Variants in FRAT1 observed in about 807,000 individuals in gnomAD.
FRAT1 encodes the protein proto-oncogene FRAT1.
Under a neutral mutation model 16.9 loss-of-function variants are expected in FRAT1, and 9 were observed. That is an observed-to-expected ratio of 0.53 (90% CI 0.32 to 0.93). FRAT1 has a LOEUF of 0.93. Among genes scored for constraint, FRAT1 ranks in the 40% least tolerant of loss-of-function variants. FRAT1 has a pLI of 0.04. For synonymous variants in FRAT1, 191 were observed against 202.1 expected (o/e 0.95, Z 0.46); for missense variants, 354 against 402.8 (o/e 0.88, Z 1.04).
rs761441163 is a variant in FRAT1, at chr10:97,319,463, C to G, written c.10C>G (p.Arg4Gly). 4.6e-5 allele frequency: 67 copies of G among 1,444,346 alleles called. No homozygotes were observed. In the East Asian group the frequency reaches 9.2e-4, roughly 20 times the overall value. 89.5% of individuals were successfully genotyped at this position (1,444,346 alleles called of 1,614,324 possible). A position where few individuals can be genotyped will look rare whatever the true frequency, so the allele number is the denominator to read the frequency against. ...GCCCAGACAGGGGGCCATGCCGTGC[C>G]GGAGGGAGGAGGAAGAGGAAGCCGG... The part of the protein sequence containing the change: MPC[R>G]REEEEEAGEE... The change falls in exon 1 of 1, where the codon CGG becomes GGG. Residue 4 changes from arginine to glycine, a missense_variant. This residue lies in a region of FRAT1 where 46 missense variants were observed against 37.7 expected (regional missense o/e 1.22). Coordinates refer to ENST00000371021, the MANE Select transcript of FRAT1 (RefSeq NM_005479.4).
chr10:97,319,962 G>T lies in FRAT1; in HGVS notation c.509G>T (p.Arg170Leu). Residue 170 changes from arginine (R) to leucine (L), a missense_variant, in exon 1 of 1, where the codon CGA becomes CTA. By Grantham distance (102) the Arg-to-Leu change is moderately radical. Around this residue, in one of 3 missense-constraint regions of FRAT1, gnomAD observed 286 missense variants for 311.0 expected, o/e 0.92. Coordinates refer to ENST00000371021, the MANE Select transcript of FRAT1 (RefSeq NM_005479.4). ...IPQPLSGPCR[R>L]GWLRGAAASR... ...CAGCCGCTGTCGGGTCCGTGCCGGC[G>T]AGGATGGCTCCGGGGCGCCGCCGCC... is the stretch of plus-strand genomic sequence containing the variant. 1 of 1,541,260 alleles carries T rather than the reference G, an allele frequency of 6.5e-7. No homozygotes were observed. Among genetic ancestry groups the T allele is most frequent in the Non-Finnish European group, 8.7e-7 (1 of 1,146,548 alleles).
In FRAT1 at chr10:97,321,742, A is replaced by C. The variant is rs1220657654; in HGVS notation, c.*1449A>C. On this transcript the variant is annotated 3_prime_UTR_variant, in exon 1 of 1. Coordinates refer to ENST00000371021, the MANE Select transcript of FRAT1 (RefSeq NM_005479.4). ...CTGACATATCTACACTTCGCACCGG[A>C]GTGTCTGGAATTGTGGCTATCCTGA... is the stretch of plus-strand genomic sequence containing the variant. 1 of 167,076 alleles carries C rather than the reference A, an allele frequency of 6.0e-6. No individual in the cohort carries two copies. The highest frequency in any genetic ancestry group is 1.5e-5 in the Non-Finnish European group (1 of 68,132). The allele number at this position is 167,076 out of a possible 1,614,324, so 10.3% of individuals were successfully genotyped here.
chr10:97,319,458 C>A lies in FRAT1; in HGVS notation c.5C>A (p.Pro2Gln), dbSNP rs1014769365. The A allele has an allele frequency of 1.4e-6, 2 of 1,433,988 alleles. No homozygotes were observed. The highest frequency in any genetic ancestry group is 3.1e-5 in the East Asian group (1 of 32,622). 88.8% of individuals were successfully genotyped at this position (1,433,988 alleles called of 1,614,324 possible). The change falls in exon 1 of 1, where the codon CCG (proline) becomes CAG (glutamine). Residue 2 changes from proline (P) to glutamine (Q), a missense_variant. Physicochemically the swap from Pro to Gln is moderately conservative, Grantham distance 76 (BLOSUM62 -1). This residue lies in a region of FRAT1 where 46 missense variants were observed against 37.7 expected (regional missense o/e 1.22). Transcript: ENST00000371021. M[P>Q]CRREEEEEAG... is the part of the protein sequence containing the mutation. ...CGGGTGCCCAGACAGGGGGCCATGC[C>A]GTGCCGGAGGGAGGAGGAAGAGGAA...
In FRAT1 at chr10:97,319,314, C is replaced by T. The variant is rs887199968; in HGVS notation, c.-140C>T. 7.8e-6 allele frequency: 9 copies of T among 1,147,344 alleles called. No individual in the cohort carries two copies. In the African/African-American group the frequency reaches 1.1e-4, roughly 14 times the overall value. The allele number at this position is 1,147,344 out of a possible 1,614,324, so 71.1% of individuals were successfully genotyped here. On this transcript the variant is annotated 5_prime_UTR_variant, in exon 1 of 1. Coordinates refer to ENST00000371021, the MANE Select transcript of FRAT1 (RefSeq NM_005479.4). Reference sequence around the variant, plus strand: ...GCGCGCGGCTAGAGTGCCTGGCGGGCTCCGGCTTCCGCGTCCGCCCCGGCC... The same window carrying T: ...GCGCGCGGCTAGAGTGCCTGGCGGGTTCCGGCTTCCGCGTCCGCCCCGGCC...
At position 97,320,104 on chromosome 10, in the gene FRAT1, G is replaced by T; in HGVS notation, c.651G>T (p.Val217=). Residue 217 remains valine (V), a synonymous_variant, in exon 1 of 1, where the codon GTG becomes GTT. Transcript: ENST00000371021. ...CTGGAAACCTCATCAAGGAGGCCGT[G>T]CGAAGGCTTCATTCGCGACGGCTGC... The part of the protein sequence containing the change: ...VLSGNLIKEA[V]RRLHSRRLQL... The T allele has an allele frequency of 6.2e-7, 1 of 1,607,154 alleles. No individual in the cohort carries two copies. Among genetic ancestry groups the T allele is most frequent in the Non-Finnish European group, 8.5e-7 (1 of 1,177,222 alleles).
chr10:97,321,197 T>A lies in FRAT1; in HGVS notation c.*904T>A, dbSNP rs1843458722. 1 of 166,046 alleles carries A rather than the reference T, an allele frequency of 6.0e-6. No homozygotes were observed. The highest frequency in any genetic ancestry group is 2.4e-5 in the African/African-American group (1 of 41,364). The allele number at this position is 166,046 out of a possible 1,614,324, so 10.3% of individuals were successfully genotyped here. On this transcript the variant is annotated 3_prime_UTR_variant, in exon 1 of 1. Coordinates refer to ENST00000371021, the MANE Select transcript of FRAT1 (RefSeq NM_005479.4). ...ACACGCGCGTCGCCGCCACCGCGGG[T>A]GTGGGAAAGCGCGGACGTGCTGGGC...
Position 97,320,304 on chromosome 10 carries a change from G to C in FRAT1, c.*11G>C, listed in dbSNP as rs562790389. On this transcript the variant is annotated 3_prime_UTR_variant, in exon 1 of 1. Transcript: ENST00000371021. ...GTGCCTGGCAGCTAACACGCCCGGG[G>C]TGGCCACAGCGCCAGCCTCAGACTG... 6.4e-7 allele frequency: 1 copy of C among 1,553,110 alleles called. No individual in the cohort carries two copies. Among genetic ancestry groups the C allele is most frequent in the African/African-American group, 1.4e-5 (1 of 73,246 alleles).
At position 97,319,979 on chromosome 10, in the gene FRAT1, G is replaced by GCCGCCGCCTC; in HGVS notation, c.536_545dup (p.Gln183ProfsTer67). 1 of 1,544,656 alleles carries GCCGCCGCCTC rather than the reference G, an allele frequency of 6.5e-7. No individual in the cohort carries two copies. Among genetic ancestry groups the GCCGCCGCCTC allele is most frequent in the African/African-American group, 1.4e-5 (1 of 73,032 alleles). ...GTGCCGGCGAGGATGGCTCCGGGGC[G>GCCGCCGCCTC]CCGCCGCCTCCCGCCGCCTGCAGCA... On this transcript the variant is annotated frameshift_variant, in exon 1 of 1. Coordinates refer to ENST00000371021, the MANE Select transcript of FRAT1 (RefSeq NM_005479.4). LOFTEE classifies it high-confidence loss of function.
In FRAT1 at chr10:97,319,334, C is replaced by G. The variant is rs1843435373; in HGVS notation, c.-120C>G. On this transcript the variant is annotated 5_prime_UTR_variant, in exon 1 of 1. Coordinates refer to ENST00000371021, the MANE Select transcript of FRAT1 (RefSeq NM_005479.4). ...GCGGGCTCCGGCTTCCGCGTCCGCC[C>G]CGGCCCCGGTCCAGACTTAGTCTTC... 8.2e-7 allele frequency: 1 copy of G among 1,213,646 alleles called. No individual in the cohort carries two copies. The highest frequency in any genetic ancestry group is 1.6e-5 in the African/African-American group (1 of 63,320). The allele number at this position is 1,213,646 out of a possible 1,614,324, so 75.2% of individuals were successfully genotyped here.
In FRAT1 at chr10:97,319,275, T is replaced by G. The variant is rs1843433867; in HGVS notation, c.-179T>G. 1.3e-6 allele frequency: 1 copy of G among 757,126 alleles called. No individual in the cohort carries two copies. Among genetic ancestry groups the G allele is most frequent in the Non-Finnish European group, 1.8e-6 (1 of 558,240 alleles). The allele number at this position is 757,126 out of a possible 1,614,324, so 46.9% of individuals were successfully genotyped here. A position where few individuals can be genotyped will look rare whatever the true frequency, so the allele number is the denominator to read the frequency against. ...CAACCCGAGCCGGCAGGATTCCGGCTCCCGCGGCTGCAGGCGCGCGGCTAG... is the reference window on the plus strand; with the variant it reads ...CAACCCGAGCCGGCAGGATTCCGGCGCCCGCGGCTGCAGGCGCGCGGCTAG... On this transcript the variant is annotated 5_prime_UTR_variant, in exon 1 of 1. Coordinates refer to ENST00000371021, the MANE Select transcript of FRAT1 (RefSeq NM_005479.4).
chr10:97,319,816 G>C lies in FRAT1; in HGVS notation c.363G>C (p.Val121=). 1 of 1,362,298 alleles carries C rather than the reference G, an allele frequency of 7.3e-7. No homozygotes were observed. The highest frequency in any genetic ancestry group is 9.4e-7 in the Non-Finnish European group (1 of 1,068,836). 84.4% of individuals were successfully genotyped at this position (1,362,298 alleles called of 1,614,324 possible). A position where few individuals can be genotyped will look rare whatever the true frequency, so the allele number is the denominator to read the frequency against. The change falls in exon 1 of 1, where the codon GTG becomes GTC. Residue 121 remains valine, a synonymous_variant. Coordinates refer to ENST00000371021, the MANE Select transcript of FRAT1 (RefSeq NM_005479.4). ...GCGCCCTGGGGGACCGCGGCCGCGT[G>C]CGGGGCCGCGCTGCGCCCTACTGCG... is the stretch of plus-strand genomic sequence containing the variant. ...LRCALGDRGR[V]RGRAAPYCVA... is the part of the protein sequence containing the mutation.
In FRAT1 at chr10:97,321,682, T is replaced by C. The variant is rs1843463277; in HGVS notation, c.*1389T>C. ...GACTGTGCTGTTGTTCTCGTTTTTA[T>C]AGTCAATGGCTTGTTCATCATCCAG... On this transcript the variant is annotated 3_prime_UTR_variant, in exon 1 of 1. Transcript: ENST00000371021. 1 of 167,182 alleles carries C rather than the reference T, an allele frequency of 6.0e-6. No individual in the cohort carries two copies. The highest frequency in any genetic ancestry group is 1.5e-5 in the Non-Finnish European group (1 of 68,164). 10.4% of individuals were successfully genotyped at this position (167,182 alleles called of 1,614,324 possible).
chr10:97,320,012 G>C lies in FRAT1; in HGVS notation c.559G>C (p.Gly187Arg), dbSNP rs750539686. The C allele has an allele frequency of 6.4e-7, 1 of 1,557,484 alleles. No homozygotes were observed. Among genetic ancestry groups the C allele is most frequent in the Non-Finnish European group, 8.7e-7 (1 of 1,151,744 alleles). Reference protein sequence around the residue: ...AASRRLQQRRGSQPETRTGDD... With the variant: ...AASRRLQQRRRSQPETRTGDD... ...CTCCCGCCGCCTGCAGCAGCGACGC[G>C]GGTCCCAACCAGAAACCCGCACAGG... is the stretch of plus-strand genomic sequence containing the variant. The change falls in exon 1 of 1, where the codon GGG (glycine) becomes CGG (arginine). Residue 187 changes from glycine (G) to arginine (R), a missense_variant. By Grantham distance (125) the Gly-to-Arg change is moderately radical (BLOSUM62 -2). Around this residue, in one of 3 missense-constraint regions of FRAT1, gnomAD observed 286 missense variants for 311.0 expected, o/e 0.92. Transcript: ENST00000371021.
chr10:97,320,413 A>G lies in FRAT1; in HGVS notation c.*120A>G. 9.4e-7 allele frequency: 1 copy of G among 1,059,490 alleles called. No homozygotes were observed. The highest frequency in any genetic ancestry group is 1.3e-6 in the Non-Finnish European group (1 of 754,464). The allele number at this position is 1,059,490 out of a possible 1,614,324, so 65.6% of individuals were successfully genotyped here. ...CTTTTGGAAGCGAGAGTAAAAAGCT[A>G]ATGACGAGGAACCGAAAAATCGCGA... On this transcript the variant is annotated 3_prime_UTR_variant, in exon 1 of 1. Coordinates refer to ENST00000371021, the MANE Select transcript of FRAT1 (RefSeq NM_005479.4).
chr10:97,320,402 A>G lies in FRAT1; in HGVS notation c.*109A>G. The G allele has an allele frequency of 8.7e-7, 1 of 1,147,104 alleles. No homozygotes were observed. Among genetic ancestry groups the G allele is most frequent in the East Asian group, 2.7e-5 (1 of 37,056 alleles). 71.1% of individuals were successfully genotyped at this position (1,147,104 alleles called of 1,614,324 possible). A position where few individuals can be genotyped will look rare whatever the true frequency, so the allele number is the denominator to read the frequency against. On this transcript the variant is annotated 3_prime_UTR_variant, in exon 1 of 1. Coordinates refer to ENST00000371021, the MANE Select transcript of FRAT1 (RefSeq NM_005479.4). The stretch of plus-strand genomic sequence containing the variant: ...GAGAACTCTGGCTTTTGGAAGCGAG[A>G]GTAAAAAGCTAATGACGAGGAACCG...
Position 97,319,326 on chromosome 10 carries a change from CGTCCGCCCCGGCCCCG to C in FRAT1, c.-123_-108del. 8.4e-7 allele frequency: 1 copy of C among 1,190,210 alleles called. No homozygotes were observed. Among genetic ancestry groups the C allele is most frequent in the East Asian group, 3.3e-5 (1 of 29,960 alleles). 73.7% of individuals were successfully genotyped at this position (1,190,210 alleles called of 1,614,324 possible). A position where few individuals can be genotyped will look rare whatever the true frequency, so the allele number is the denominator to read the frequency against. Reference sequence around the variant, plus strand: ...AGTGCCTGGCGGGCTCCGGCTTCCGCGTCCGCCCCGGCCCCGGTCCAGACTTAGTCTTCAGCTCCGC... The same window carrying C: ...AGTGCCTGGCGGGCTCCGGCTTCCGCGTCCAGACTTAGTCTTCAGCTCCGC... On this transcript the variant is annotated 5_prime_UTR_variant, in exon 1 of 1. Coordinates refer to ENST00000371021, the MANE Select transcript of FRAT1 (RefSeq NM_005479.4).
chr10:97,320,176 G>T lies in FRAT1; in HGVS notation c.723G>T (p.Ser241=). 1.2e-6 allele frequency: 2 copies of T among 1,612,458 alleles called. No homozygotes were observed. The highest frequency in any genetic ancestry group is 1.7e-6 in the Non-Finnish European group (2 of 1,179,506). Residue 241 remains serine, a synonymous_variant, in exon 1 of 1, where the codon TCG becomes TCT. Coordinates refer to ENST00000371021, the MANE Select transcript of FRAT1 (RefSeq NM_005479.4). ...AACGCCCGCTCCTGGGACCTCTGTC[G>T]GCCCCGGTGCATGAACCCCCTTCGC... ...LPQRPLLGPL[S]APVHEPPSPR...
Position 97,319,756 on chromosome 10 carries a change from G to C in FRAT1, c.303G>C (p.Glu101Asp). The C allele has an allele frequency of 8.2e-7, 1 of 1,221,198 alleles. No homozygotes were observed. The highest frequency in any genetic ancestry group is 4.4e-5 in the Admixed American group (1 of 22,778). The allele number at this position is 1,221,198 out of a possible 1,614,324, so 75.6% of individuals were successfully genotyped here. A position where few individuals can be genotyped will look rare whatever the true frequency, so the allele number is the denominator to read the frequency against. ...VPLLLPPALA[E>D]TVGPAPPGVL... ...TGCTGCTGCCGCCCGCGTTGGCGGA[G>C]ACTGTGGGCCCGGCGCCCCCTGGGG... The change falls in exon 1 of 1, where the codon GAG (glutamate) becomes GAC (aspartate). Residue 101 changes from glutamate (E) to aspartate (D), a missense_variant. Glu to Asp is a conservative substitution (Grantham distance 45). This residue lies in a region of FRAT1 where 286 missense variants were observed against 311.0 expected (regional missense o/e 0.92). Transcript: ENST00000371021.
At position 97,319,992 on chromosome 10, in the gene FRAT1, G is replaced by A. The variant is rs764299948; in HGVS notation, c.539G>A (p.Arg180His). The A allele has an allele frequency of 1.7e-4, 262 of 1,548,836 alleles. No individual in the cohort carries two copies. The highest frequency in any genetic ancestry group is 2.2e-4 in the Non-Finnish European group (252 of 1,148,302). Residue 180 changes from arginine (R) to histidine (H), a missense_variant, in exon 1 of 1, where the codon CGC (arginine) becomes CAC (histidine). By Grantham distance (29) the Arg-to-His change is conservative. Around this residue, in one of 3 missense-constraint regions of FRAT1, gnomAD observed 286 missense variants for 311.0 expected, o/e 0.92. Transcript: ENST00000371021. Reference protein sequence around the residue: ...RGWLRGAAASRRLQQRRGSQP... With the variant: ...RGWLRGAAASHRLQQRRGSQP... ...TGGCTCCGGGGCGCCGCCGCCTCCCGCCGCCTGCAGCAGCGACGCGGGTCC... is the reference window on the plus strand; with the variant it reads ...TGGCTCCGGGGCGCCGCCGCCTCCCACCGCCTGCAGCAGCGACGCGGGTCC...
Sources: allele counts gnomAD v4.1 joint callset, GRCh38; gene constraint gnomAD v4.1.1; regional missense constraint gnomAD v4.1.1; transcripts MANE v1.5; gene names NCBI Gene and HGNC (gene_info 2026-07-23, HGNC 2026-07-21).